PTPRD: variants seen among roughly 807,000 people sequenced by gnomAD.
PTPRD encodes protein tyrosine phosphatase receptor type D, also known as receptor-type tyrosine-protein phosphatase delta.
PTPRD carries 34 observed loss-of-function variants against 214.5 expected under a neutral mutation model. That is an observed-to-expected ratio of 0.16 (90% CI 0.12 to 0.21). The LOEUF is 0.21. PTPRD is among the 10% of genes least tolerant of loss of function. PTPRD has a pLI of 1.00. For missense variants in PTPRD, 2,545 were observed against 2,398.7 expected (o/e 1.06, Z -1.27); for synonymous variants, 1,128 against 845.7 (o/e 1.33, Z -5.79).
chr9:8,364,377 A>G (rs1056063864), intron 39 of PTPRD, among the ~76,000 whole-genome samples: 4 of 152,278 alleles, frequency 2.6e-5, no homozygotes, highest in African/African-American at 9.6e-5. Flanking sequence ...CAGAAAAACA[A>G]TATTGACAAA....
At chr9:8,762,663 A>G (rs998406648) in intron 11 of PTPRD, among the ~76,000 whole-genome samples, 1 of 152,132 alleles carries the variant, frequency 6.6e-6, no homozygotes, top group African/African-American at 2.4e-5. Flanking sequence ...GCTCAGGAAA[A>G]GAAATATTTA....
At chr9:9,053,187 T>C (rs1170953716) in intron 10 of PTPRD, among the ~76,000 whole-genome samples, 1 of 152,222 alleles carries the variant, frequency 6.6e-6, no homozygotes, top group Non-Finnish European at 1.5e-5. Context: ...AGCAGTTTCA[T>C]AATGTTTAAC....
intron 10 of PTPRD, among the ~76,000 whole-genome samples, chr9:9,116,130 G>C (rs776039817): frequency 6.6e-6 from 1 of 151,924 alleles, no homozygotes; most frequent in Non-Finnish European, 1.5e-5. Flanking sequence ...TGGGTAACGG[G>C]ATCATTCATA....
chr9:9,059,712 A>G (rs182803088), intron 10 of PTPRD, among the ~76,000 whole-genome samples: 1 of 152,224 alleles, frequency 6.6e-6, no homozygotes, highest in East Asian at 1.9e-4. Flanking sequence ...TGAAATATCA[A>G]TAAATGAATT....
chr9:9,500,597 C>T (rs529170161), intron 8 of PTPRD, among the ~76,000 whole-genome samples: 4 of 152,046 alleles, frequency 2.6e-5, no homozygotes, highest in African/African-American at 9.6e-5. Context: ...GAACACTGGG[C>T]TGTATATAAA....
intron 3 of PTPRD, among the ~76,000 whole-genome samples, chr9:10,275,798 A>G (rs10958998): frequency 0.056 from 8,464 of 152,262 alleles, 429 homozygotes; most frequent in Admixed American, 0.14. Context: ...GGTGGAGCCA[A>G]AAGTGAAGCA....
intron 3 of PTPRD, among the ~76,000 whole-genome samples, chr9:10,299,712 G>A (rs1004490688): frequency 6.6e-6 from 1 of 152,142 alleles, no homozygotes; most frequent in African/African-American, 2.4e-5. Flanking sequence ...ATAACAGCTG[G>A]TTTTTATAGC....
intron 3 of PTPRD, among the ~76,000 whole-genome samples, chr9:10,257,134 G>A (rs2093344272): frequency 6.6e-6 from 1 of 152,144 alleles, no homozygotes; most frequent in Non-Finnish European, 1.5e-5. Flanking sequence ...CTCAGTAAAT[G>A]TTAATAAGAT....
intron 9 of PTPRD, among the ~76,000 whole-genome samples, chr9:9,266,389 G>A (rs943419680): frequency 6.6e-6 from 1 of 151,112 alleles, no homozygotes; most frequent in Non-Finnish European, 1.5e-5. Context: ...TTACATTTTA[G>A]ACCAAGTAGA....
At chr9:9,029,920 G>A (rs1235427190) in intron 10 of PTPRD, among the ~76,000 whole-genome samples, 1 of 151,942 alleles carries the variant, frequency 6.6e-6, no homozygotes, top group Non-Finnish European at 1.5e-5. Context: ...GAATTCAAGG[G>A]TGACAGCACG....
chr9:10,477,834 C>A (rs2099073185), intron 2 of PTPRD, among the ~76,000 whole-genome samples: 1 of 152,032 alleles, frequency 6.6e-6, no homozygotes, highest in South Asian at 2.1e-4. Context: ...TTTGCAGTAA[C>A]ATGGATGAAG....
chr9:9,966,741 G>C (rs1463893820), intron 4 of PTPRD, among the ~76,000 whole-genome samples: 1 of 152,088 alleles, frequency 6.6e-6, no homozygotes, highest in Non-Finnish European at 1.5e-5. Context: ...AGTGTTAACT[G>C]CTCCTGAGGA....
At chr9:10,147,530 A>AT (rs1160860573) in intron 3 of PTPRD, among the ~76,000 whole-genome samples, 2 of 152,082 alleles carry the variant, frequency 1.3e-5, no homozygotes, top group African/African-American at 2.4e-5. Context: ...TCAAAATTTA[A>AT]TTTTTCCCAG....
At chr9:9,385,420 T>C (rs527452881) in intron 9 of PTPRD, among the ~76,000 whole-genome samples, 53 of 152,282 alleles carry the variant, frequency 3.5e-4, no homozygotes, top group African/African-American at 1.2e-3. Context: ...AGACAATCTT[T>C]CACAAGGATC....
At chr9:9,618,384 T>TA (rs1250038696) in intron 7 of PTPRD, among the ~76,000 whole-genome samples, 35 of 151,492 alleles carry the variant, frequency 2.3e-4, no homozygotes, top group African/African-American at 8.5e-4. Context: ...ACCTATGGAT[T>TA]AAGAAAAAAA....
At chr9:8,624,028 G>T (rs922684002) in intron 14 of PTPRD, among the ~76,000 whole-genome samples, 1 of 151,844 alleles carries the variant, frequency 6.6e-6, no homozygotes, top group African/African-American at 2.4e-5. Flanking sequence ...TCATAAAACA[G>T]TTATAGATTT....
chr9:8,359,338 T>G (rs2133808154), intron 39 of PTPRD, among the ~76,000 whole-genome samples: 1 of 151,860 alleles, frequency 6.6e-6, no homozygotes, highest in Middle Eastern at 3.4e-3. Context: ...TATTTCATTA[T>G]TTTTGAGACT....
At chr9:10,157,054 G>C (rs1487542583) in intron 3 of PTPRD, among the ~76,000 whole-genome samples, 3 of 152,168 alleles carry the variant, frequency 2.0e-5, no homozygotes, top group African/African-American at 7.2e-5. Flanking sequence ...CTTGAAGAAA[G>C]AATACCATTG....
intron 5 of PTPRD, among the ~76,000 whole-genome samples, chr9:9,899,950 A>C (rs903423005): frequency 6.6e-6 from 1 of 152,188 alleles, no homozygotes; most frequent in African/African-American, 2.4e-5. Context: ...ACACAAAGAC[A>C]CATGACAAAC....
Sources: allele counts gnomAD v4.1 joint callset (sites outside exome capture counted in the v4.1 genomes callset), GRCh38; gene constraint gnomAD v4.1.1; transcripts MANE v1.5; gene names NCBI Gene and HGNC (gene_info 2026-07-23, HGNC 2026-07-21).